The following DNER variants were observed in gnomAD, a reference collection of about 807,000 sequenced individuals.
DNER encodes the protein delta/notch like EGF repeat containing, also known as delta and Notch-like epidermal growth factor-related receptor.
In DNER, 33 loss-of-function variants were observed where a neutral mutation model predicts 78.2. That is an observed-to-expected ratio of 0.42 (90% CI 0.32 to 0.56). The LOEUF is 0.56. Among genes scored for constraint, DNER ranks in the 20% least tolerant of loss-of-function variants. DNER has a pLI of 0.11. For missense variants in DNER, 918 were observed against 975.3 expected (o/e 0.94, Z 0.78); for synonymous variants, 417 against 384.8 (o/e 1.08, Z -0.98).
chr2:229,610,773 T>C (rs755113511), intron 1 of DNER, among the ~76,000 whole-genome samples: 1 of 152,212 alleles, frequency 6.6e-6, no homozygotes, highest in African/African-American at 2.4e-5. Flanking sequence ...TAAAGAACCA[T>C]AAGAGCAGCT....
At chr2:229,666,678 G>A (rs190039849) in intron 1 of DNER, among the ~76,000 whole-genome samples, 2 of 152,294 alleles carry the variant, frequency 1.3e-5, no homozygotes, top group African/African-American at 4.8e-5. Context: ...CTTAACAGCT[G>A]TTTTACAGAA....
At chr2:229,552,883 T>C (rs1559164804) in intron 4 of DNER, among the ~76,000 whole-genome samples, 1 of 152,106 alleles carries the variant, frequency 6.6e-6, no homozygotes, top group Non-Finnish European at 1.5e-5. Context: ...CCAGACCCCA[T>C]CTTCTCCTTT....
chr2:229,358,716 T>C, intron 12 of DNER, 65 bp from the exon 13 acceptor site: 1 of 1,358,458 alleles, frequency 7.4e-7, no homozygotes, highest in Non-Finnish European at 1.0e-6. Flanking sequence ...TTAAAGCAAG[T>C]GATGAGAATA....
chr2:229,569,041 G>A (rs2154213960), intron 4 of DNER, among the ~76,000 whole-genome samples: 1 of 152,214 alleles, frequency 6.6e-6, no homozygotes, highest in Middle Eastern at 3.4e-3. Flanking sequence ...ATGGATGGAT[G>A]CGTATCTATG....
intron 1 of DNER, among the ~76,000 whole-genome samples, chr2:229,647,177 A>C (rs1011432811): frequency 1.3e-5 from 2 of 152,108 alleles, no homozygotes; most frequent in Admixed American, 6.5e-5. Context: ...AAAATAAATA[A>C]ATACATACAT....
chr2:229,485,835 C>T (rs1695258161), intron 6 of DNER, among the ~76,000 whole-genome samples: 1 of 152,052 alleles, frequency 6.6e-6, no homozygotes, highest in Non-Finnish European at 1.5e-5. Flanking sequence ...AAAAAATTCT[C>T]CTGTGTTGCT....
intron 9 of DNER, among the ~76,000 whole-genome samples, chr2:229,414,806 G>A (rs6712150): frequency 0.28 from 41,956 of 151,956 alleles, 6,022 homozygotes; most frequent in South Asian, 0.36. Flanking sequence ...ATGCAATTAA[G>A]GTCCCTAATC....
At chr2:229,569,078 T>C (rs1365236030) in intron 4 of DNER, among the ~76,000 whole-genome samples, 1 of 152,220 alleles carries the variant, frequency 6.6e-6, no homozygotes, top group African/African-American at 2.4e-5. Context: ...TCTGTGCATC[T>C]CTGTATGTGT....
chr2:229,401,693 C>T (rs1693270519), intron 10 of DNER, among the ~76,000 whole-genome samples: 1 of 152,046 alleles, frequency 6.6e-6, no homozygotes, highest in Non-Finnish European at 1.5e-5. Flanking sequence ...AAAAGGGTAA[C>T]CAGTATCCTG....
intron 4 of DNER, among the ~76,000 whole-genome samples, chr2:229,547,486 G>C (rs1477836988): frequency 1.3e-5 from 2 of 152,118 alleles, no homozygotes; most frequent in Non-Finnish European, 2.9e-5. Context: ...TTCTACCAGG[G>C]AGCAGCTTAC....
At chr2:229,680,223 AT>A (rs1333189752) in intron 1 of DNER, among the ~76,000 whole-genome samples, 1 of 152,186 alleles carries the variant, frequency 6.6e-6, no homozygotes, top group African/African-American at 2.4e-5. Context: ...CGGGTATGGA[AT>A]AAAAGGTGAC....
intron 1 of DNER, among the ~76,000 whole-genome samples, chr2:229,601,980 C>T (rs1217951884): frequency 1.3e-5 from 2 of 151,866 alleles, no homozygotes; most frequent in Admixed American, 6.6e-5. Context: ...CATAGGCACA[C>T]CAGCCTCAAA....
At chr2:229,480,438 T>G (rs1259904717) in intron 6 of DNER, among the ~76,000 whole-genome samples, 1 of 152,182 alleles carries the variant, frequency 6.6e-6, no homozygotes, top group Admixed American at 6.5e-5. Flanking sequence ...TAAAACATAT[T>G]TATTTATATT....
chr2:229,629,482 G>A (rs1260953870), intron 1 of DNER, among the ~76,000 whole-genome samples: 2 of 152,134 alleles, frequency 1.3e-5, no homozygotes, highest in Non-Finnish European at 2.9e-5. Context: ...TTTCTGAATT[G>A]TTGCCCCCAT....
intron 6 of DNER, among the ~76,000 whole-genome samples, chr2:229,491,266 C>T (rs116802447): frequency 2.0e-5 from 3 of 152,326 alleles, no homozygotes; most frequent in South Asian, 2.1e-4. Context: ...AGGAAATTTA[C>T]GAGGTGCATG....
rs1310013410 is a variant in DNER at position 229,708,472 on chromosome 2, T to C, written c.276+5676A>G. Among the ~76,000 whole-genome samples, 3 of 152,350 alleles carry C rather than the reference T, an allele frequency of 2.0e-5. No homozygotes were observed. In the East Asian group the frequency reaches 5.8e-4, roughly 29 times the overall value. On this transcript the variant is annotated intron_variant, in intron 1 of 12. Transcript: ENST00000341772. ...GGAAGGGGTAAATATAAAGAAATTC[T>C]GTCTGCAAACCTTTGCCACATTGTC...
chr2:229,548,349 C>T (rs1286732916), intron 4 of DNER, among the ~76,000 whole-genome samples: 1 of 152,184 alleles, frequency 6.6e-6, no homozygotes, highest in Non-Finnish European at 1.5e-5. Context: ...AACCAAATGT[C>T]CATCAATGAT....
At chr2:229,661,550 A>G (rs757697689) in intron 1 of DNER, among the ~76,000 whole-genome samples, 2 of 152,226 alleles carry the variant, frequency 1.3e-5, no homozygotes, top group South Asian at 2.1e-4. Flanking sequence ...TCAAATGTCA[A>G]CAAGACTAAA....
intron 7 of DNER, among the ~76,000 whole-genome samples, chr2:229,454,131 C>T (rs1436871810): frequency 6.6e-6 from 1 of 152,220 alleles, no homozygotes; most frequent in Non-Finnish European, 1.5e-5. Flanking sequence ...TGACCTCCAT[C>T]AGTGTGGCCA....
Sources: gnomAD v4.1 joint callset for allele counts (sites outside exome capture counted in the v4.1 genomes callset) on GRCh38, gnomAD v4.1.1 for gene constraint, MANE v1.5 for transcripts, NCBI Gene and HGNC (gene_info 2026-07-23, HGNC 2026-07-21) for gene names.